Variants in CENPP observed in about 807,000 individuals in gnomAD.
CENPP encodes the protein centromere protein P.
Under a neutral mutation model 35.6 loss-of-function variants are expected in CENPP, and 24 were observed. That is an observed-to-expected ratio of 0.67 (90% CI 0.49 to 0.95). The LOEUF (loss-of-function observed/expected upper bound fraction) is 0.95, where lower values mean the gene tolerates loss of function less well. CENPP is among the 40% of genes least tolerant of loss of function. The probability of loss-of-function intolerance (pLI) is 0.00; values close to 1 mark genes in which losing one functional copy is unlikely to be tolerated. For synonymous variants in CENPP, 120 were observed against 125.5 expected (o/e 0.96, Z 0.29); for missense variants, 332 against 345.3 (o/e 0.96, Z 0.31).
intron 3 of CENPP, among the ~76,000 whole-genome samples, chr9:92,342,618 G>C (rs1455338377): frequency 6.6e-6 from 1 of 152,218 alleles, no homozygotes; most frequent in African/African-American, 2.4e-5. Flanking sequence ...GGTAAACAAG[G>C]TGTTGGAAGA....
chr9:92,433,382 A>G (rs938976997), intron 5 of CENPP, among the ~76,000 whole-genome samples: 13 of 152,300 alleles, frequency 8.5e-5, no homozygotes, highest in Non-Finnish European at 2.9e-5. Context: ...TCCTCCCGCA[A>G]TCAGTTTTCG....
At chr9:92,487,398 G>T (rs1207814817) in intron 5 of CENPP, among the ~76,000 whole-genome samples, 1 of 152,176 alleles carries the variant, frequency 6.6e-6, no homozygotes, top group East Asian at 1.9e-4. Context: ...CCACCATGAA[G>T]GGGCAGTTTG....
chr9:92,540,764 C>T (rs1849299901), intron 5 of CENPP, among the ~76,000 whole-genome samples: 1 of 128,482 alleles, frequency 7.8e-6, no homozygotes, highest in Non-Finnish European at 1.6e-5. Flanking sequence ...GAGCACGACT[C>T]TGTCTCAAAA....
chr9:92,550,247 T>C (rs1849560019), intron 5 of CENPP, among the ~76,000 whole-genome samples: 1 of 151,916 alleles, frequency 6.6e-6, no homozygotes, highest in East Asian at 1.9e-4. Context: ...ATACACAAAA[T>C]TAGCTGGGTG....
intron 4 of CENPP, among the ~76,000 whole-genome samples, chr9:92,378,111 C>T (rs1167763864): frequency 6.6e-6 from 1 of 152,128 alleles, no homozygotes; most frequent in Non-Finnish European, 1.5e-5. Context: ...GGCTAGCTGA[C>T]AAAGCTTCCT....
chr9:92,615,537 T>C lies in CENPP; in HGVS notation c.*2388T>C, dbSNP rs1851404076. Reference sequence around the variant, plus strand: ...GCTTTTCGCATTAGAGAATCAGACATGAGCCCTGGTTGGGAAAGAAGAACT... The same window carrying C: ...GCTTTTCGCATTAGAGAATCAGACACGAGCCCTGGTTGGGAAAGAAGAACT... On this transcript the variant is annotated 3_prime_UTR_variant, in exon 8 of 8. Coordinates refer to ENST00000375587, the MANE Select transcript of CENPP (RefSeq NM_001012267.3). 2.9e-6 allele frequency: 1 copy of C among 346,794 alleles called. No homozygotes were observed. Among genetic ancestry groups the C allele is most frequent in the Non-Finnish European group, 5.4e-6 (1 of 186,896 alleles). The allele number at this position is 346,794 out of a possible 1,614,324, so 21.5% of individuals were successfully genotyped here.
At chr9:92,562,202 CTTTTCTTTT>C (rs1849863786) in intron 5 of CENPP, among the ~76,000 whole-genome samples, 1 of 133,454 alleles carries the variant, frequency 7.5e-6, no homozygotes, top group Non-Finnish European at 1.6e-5. Flanking sequence ...TCTTTTTTTT[CTTTTCTTTT>C]TTTTTTTTTT....
chr9:92,413,193 G>C (rs1011109296), intron 5 of CENPP, among the ~76,000 whole-genome samples: 1 of 151,850 alleles, frequency 6.6e-6, no homozygotes, highest in African/African-American at 2.4e-5. Context: ...CTCCATGTTG[G>C]TCAGGCTGGT....
At chr9:92,349,529 G>A (rs924925690) in intron 4 of CENPP, among the ~76,000 whole-genome samples, 2 of 151,144 alleles carry the variant, frequency 1.3e-5, no homozygotes, top group South Asian at 2.1e-4. Context: ...TCAGCCTCCC[G>A]AGTAGCTGGG....
At chr9:92,409,144 G>A (rs1458235549) in intron 5 of CENPP, among the ~76,000 whole-genome samples, 15 of 152,168 alleles carry the variant, frequency 9.9e-5, no homozygotes, top group Admixed American at 9.8e-4. Context: ...GTAAAGTGAT[G>A]CAAGATGTGT....
In CENPP at chr9:92,620,497, G is replaced by A. The variant is rs142458961; in HGVS notation, c.*7348G>A. The A allele has an allele frequency of 5.3e-5, 8 of 152,290 alleles. No homozygotes were observed. Among genetic ancestry groups the A allele is most frequent in the Non-Finnish European group, 8.8e-5 (6 of 68,020 alleles). 9.4% of individuals were successfully genotyped at this position (152,290 alleles called of 1,614,324 possible). A position where few individuals can be genotyped will look rare whatever the true frequency, so the allele number is the denominator to read the frequency against. On this transcript the variant is annotated 3_prime_UTR_variant, in exon 8 of 8. Coordinates refer to ENST00000375587, the MANE Select transcript of CENPP (RefSeq NM_001012267.3). The stretch of plus-strand genomic sequence containing the variant: ...CATTGTTTTAGATGGCATAGCTCTC[G>A]CTTTCACAAAAATAAACAGTTGTAA...
At chr9:92,388,752 A>G (rs1327918805) in intron 5 of CENPP, among the ~76,000 whole-genome samples, 1 of 151,444 alleles carries the variant, frequency 6.6e-6, no homozygotes, top group Admixed American at 6.6e-5. Flanking sequence ...GAATTGCTCA[A>G]ACCTGGGAGG....
At chr9:92,567,084 A>G (rs1377050636) in intron 5 of CENPP, among the ~76,000 whole-genome samples, 1 of 152,134 alleles carries the variant, frequency 6.6e-6, no homozygotes, top group African/African-American at 2.4e-5. Context: ...AAATTAAGAC[A>G]TTCTCAGATG....
chr9:92,588,428 T>C (rs1379597966), intron 5 of CENPP, among the ~76,000 whole-genome samples: 1 of 151,748 alleles, frequency 6.6e-6, no homozygotes, highest in Non-Finnish European at 1.5e-5. Context: ...TTTGTATTTT[T>C]TTTTTTAGTA....
chr9:92,619,729 CCTGTGA>C lies in CENPP; in HGVS notation c.*6581_*6586del, dbSNP rs1157300928. ...GTGAGCACGGGCGTCAGGAGGTCGC[CCTGTGA>C]GAGCACCTGGGCCAGCCCTCAGTGC... On this transcript the variant is annotated 3_prime_UTR_variant, in exon 8 of 8. Transcript: ENST00000375587. 5 of 648,222 alleles carry C rather than the reference CCTGTGA, an allele frequency of 7.7e-6. No homozygotes were observed. Among genetic ancestry groups the C allele is most frequent in the African/African-American group, 7.1e-5 (4 of 56,016 alleles). 40.2% of individuals were successfully genotyped at this position (648,222 alleles called of 1,614,324 possible).
chr9:92,458,446 G>A (rs1413458280), intron 5 of CENPP, among the ~76,000 whole-genome samples: 1 of 152,104 alleles, frequency 6.6e-6, no homozygotes, highest in African/African-American at 2.4e-5. Flanking sequence ...TCTAGGCATT[G>A]CTAAAACATT....
intron 5 of CENPP, among the ~76,000 whole-genome samples, chr9:92,508,805 A>G (rs530170206): frequency 2.6e-5 from 4 of 152,114 alleles, no homozygotes; most frequent in African/African-American, 9.7e-5. Flanking sequence ...GAGCTACAGG[A>G]AATAATTGAA....
At position 92,619,970 on chromosome 9, in the gene CENPP, C is replaced by T. The variant is rs184592634; in HGVS notation, c.*6821C>T. ...TATCACTCGACACCTGCAAGGAGAG[C>T]GCAGGGGGTGTTCAGCAAGGCATCG... On this transcript the variant is annotated 3_prime_UTR_variant, in exon 8 of 8. Coordinates refer to ENST00000375587, the MANE Select transcript of CENPP (RefSeq NM_001012267.3). 7.0e-5 allele frequency: 15 copies of T among 215,576 alleles called. No homozygotes were observed. Among genetic ancestry groups the T allele is most frequent in the East Asian group, 1.9e-4 (2 of 10,478 alleles). The allele number at this position is 215,576 out of a possible 1,614,324, so 13.4% of individuals were successfully genotyped here.
chr9:92,367,472 A>C (rs1841915160), intron 4 of CENPP, among the ~76,000 whole-genome samples: 1 of 151,768 alleles, frequency 6.6e-6, no homozygotes, highest in Admixed American at 6.6e-5. Flanking sequence ...TGGCCTTTGG[A>C]GGAAACATTT....
Sources: allele counts gnomAD v4.1 joint callset (sites outside exome capture counted in the v4.1 genomes callset), GRCh38; gene constraint gnomAD v4.1.1; transcripts MANE v1.5; gene names NCBI Gene and HGNC (gene_info 2026-07-23, HGNC 2026-07-21).